The following ATP6V0A1 variants were observed in gnomAD, a reference collection of about 807,000 sequenced individuals.
The protein encoded by ATP6V0A1 is ATPase H+ transporting V0 subunit a1.
A neutral mutation model predicts 105.4 loss-of-function variants in ATP6V0A1; 43 were observed. The ratio of observed to expected loss-of-function variants is 0.41; its 90% CI spans 0.32 to 0.53. The LOEUF (loss-of-function observed/expected upper bound fraction) is 0.53, where lower values mean the gene tolerates loss of function less well. ATP6V0A1 is among the 20% of genes least tolerant of loss of function. The pLI, the probability that ATP6V0A1 is intolerant of heterozygous loss-of-function variation, is 0.30. For synonymous variants in ATP6V0A1, 362 were observed against 372.8 expected, an observed-to-expected ratio of 0.97 and a Z score of 0.33; for missense variants, 676 against 1,051.1, an observed-to-expected ratio of 0.64 and a Z score of 4.93.
chr17:42,518,165 T>A (rs1238630434), intron 21 of ATP6V0A1: 1 of 152,270 alleles, frequency 6.6e-6, no homozygotes, highest in African/African-American at 2.4e-5. Flanking sequence ...AACTGATTTT[T>A]ATGCAGAACT....
chr17:42,482,517 T>G (rs1210666763), intron 8 of ATP6V0A1, among the ~76,000 whole-genome samples: 2 of 152,130 alleles, frequency 1.3e-5, no homozygotes, highest in Non-Finnish European at 2.9e-5. Flanking sequence ...CTTTTTTTTT[T>G]TAATCACAAA....
intron 19 of ATP6V0A1, among the ~76,000 whole-genome samples, chr17:42,511,887 C>T (rs949972458): frequency 1.1e-4 from 16 of 151,748 alleles, no homozygotes; most frequent in Non-Finnish European, 1.5e-4. Context: ...TGCTTGAACC[C>T]GGGAGGCAGA....
At chr17:42,503,004 G>T (rs1376104457) in intron 17 of ATP6V0A1, 4 of 152,314 alleles carry the variant, frequency 2.6e-5, no homozygotes, top group Non-Finnish European at 5.9e-5. Context: ...TACTCACTGA[G>T]ATGATGACAG....
rs962727208 is a variant in ATP6V0A1, at chr17:42,467,286, G to T, written c.197-724G>T. On this transcript the variant is annotated intron_variant, in intron 3 of 21. Coordinates refer to ENST00000343619, the MANE Select transcript of ATP6V0A1 (RefSeq NM_001130021.3). ...TTATTTAATAATTGAGGAAACTAAA[G>T]ATTAGAGAGGCTTAATGACTTGCCC... 2.0e-5 allele frequency among the ~76,000 whole-genome samples: 3 copies of T among 152,144 alleles called. No homozygotes were observed. In the East Asian group the frequency reaches 5.8e-4, roughly 29 times the overall value.
intron 3 of ATP6V0A1, among the ~76,000 whole-genome samples, chr17:42,467,521 A>G (rs1220996823): frequency 6.6e-6 from 1 of 152,074 alleles, no homozygotes; most frequent in African/African-American, 2.4e-5. Context: ...CTGCTTTTTC[A>G]TTTTTGTTTT....
chr17:42,490,479 T>C lies in ATP6V0A1; in HGVS notation c.1024-8T>C, dbSNP rs1464049389. On this transcript the variant is annotated splice_region_variant and splice_polypyrimidine_tract_variant and intron_variant, in intron 10 of 21. Coordinates refer to ENST00000343619, the MANE Select transcript of ATP6V0A1 (RefSeq NM_001130021.3). ...CCTAAGTTTGATAAATGTGCTAATGTTTTTCAGGAACACAGTGGTTCCACT... is the reference window on the plus strand; with the variant it reads ...CCTAAGTTTGATAAATGTGCTAATGCTTTTCAGGAACACAGTGGTTCCACT... 1 of 1,595,022 alleles carries C rather than the reference T, an allele frequency of 6.3e-7. No homozygotes were observed. Among genetic ancestry groups the C allele is most frequent in the Non-Finnish European group, 8.5e-7 (1 of 1,173,682 alleles).
intron 11 of ATP6V0A1, among the ~76,000 whole-genome samples, chr17:42,493,507 T>C (rs565069410): frequency 4.0e-4 from 61 of 152,282 alleles, no homozygotes; most frequent in Admixed American, 7.8e-4. Flanking sequence ...TGAAATGTTA[T>C]CAGAGCTGCC....
chr17:42,516,161 T>C (rs923483826), intron 21 of ATP6V0A1, among the ~76,000 whole-genome samples: 21 of 152,238 alleles, frequency 1.4e-4, no homozygotes, highest in Non-Finnish European at 3.1e-4. Context: ...AATGTCTCTC[T>C]TCGTTCTCAA....
chr17:42,480,521 G>T, intron 7 of ATP6V0A1, 146 bp from the exon 8 acceptor site: 1 of 609,524 alleles, frequency 1.6e-6, no homozygotes, highest in African/African-American at 1.9e-5. Flanking sequence ...CTTAGGAAAT[G>T]GAGTGAGGGC....
Position 42,507,592 on chromosome 17 carries a change from G to T in ATP6V0A1, c.2077G>T (p.Asp693Tyr). Residue 693 changes from aspartate to tyrosine, a missense_variant, in exon 18 of 22, where the codon GAC (aspartate) becomes TAC (tyrosine). Physicochemically the swap from Asp to Tyr is radical, Grantham distance 160. Coordinates refer to ENST00000343619, the MANE Select transcript of ATP6V0A1 (RefSeq NM_001130021.3). Reference sequence around the variant, plus strand: ...GGAGGATGCTGAGATTATTCAGCATGACCAGCTCTCCACCCACTCAGAGGA... The same window carrying T: ...GGAGGATGCTGAGATTATTCAGCATTACCAGCTCTCCACCCACTCAGAGGA... ...TEEDAEIIQH[D>Y]QLSTHSEDAD... is the part of the protein sequence containing the mutation. 1 of 1,614,010 alleles carries T rather than the reference G, an allele frequency of 6.2e-7. No individual in the cohort carries two copies. The highest frequency in any genetic ancestry group is 1.1e-5 in the South Asian group (1 of 91,042).
rs549125885 is a variant in ATP6V0A1, at chr17:42,484,028, T to A, written c.810+897T>A. ...CCACTGCGCCCAGCCAAGTCTGAGA[T>A]AGTTTTTTTTGTTTTTTGTTTTTTG... On this transcript the variant is annotated intron_variant, in intron 9 of 21. Transcript: ENST00000343619. 4.0e-5 allele frequency among the ~76,000 whole-genome samples: 6 copies of A among 151,392 alleles called. No homozygotes were observed. The East Asian group carries it at 1.2e-3, about 30-fold the overall frequency.
intron 9 of ATP6V0A1, 84 bp downstream of exon 9, chr17:42,483,215 A>G (rs878912897): frequency 2.0e-5 from 22 of 1,080,364 alleles, no homozygotes; most frequent in African/African-American, 3.2e-5. Flanking sequence ...CTGATATTCT[A>G]TAAGGTACCT....
In ATP6V0A1 at chr17:42,522,419, G is replaced by T; in HGVS notation, c.*1299G>T. On this transcript the variant is annotated 3_prime_UTR_variant, in exon 22 of 22. Coordinates refer to ENST00000343619, the MANE Select transcript of ATP6V0A1 (RefSeq NM_001130021.3). ...ACTGTGTGCTGGCCCACTGTGACCT[G>T]ACCCGACCTTGTGCAGCCCCCCTGC... 1 of 152,834 alleles carries T rather than the reference G, an allele frequency of 6.5e-6. No homozygotes were observed. The highest frequency in any genetic ancestry group is 1.5e-5 in the Non-Finnish European group (1 of 68,358). The allele number at this position is 152,834 out of a possible 1,614,324, so 9.5% of individuals were successfully genotyped here. A position where few individuals can be genotyped will look rare whatever the true frequency, so the allele number is the denominator to read the frequency against.
intron 2 of ATP6V0A1, 127 bp from the exon 3 acceptor site, chr17:42,466,302 G>A (rs2087051857): frequency 1.4e-6 from 1 of 703,668 alleles, no homozygotes; most frequent in East Asian, 2.8e-5. Context: ...TCAGTAGACA[G>A]TTTTGATTAG....
chr17:42,519,924 C>T (rs908556031), intron 21 of ATP6V0A1: 1 of 155,804 alleles, frequency 6.4e-6, no homozygotes. Flanking sequence ...CCCAGTGCCA[C>T]TGGCAAACAG....
intron 5 of ATP6V0A1, among the ~76,000 whole-genome samples, chr17:42,472,923 G>A (rs2088185430): frequency 6.6e-6 from 1 of 152,164 alleles, no homozygotes. Context: ...GTTAGGCCTA[G>A]CAGTCTGTAT....
chr17:42,477,213 A>G (rs902549221), intron 5 of ATP6V0A1, among the ~76,000 whole-genome samples: 9 of 152,214 alleles, frequency 5.9e-5, no homozygotes, highest in African/African-American at 1.9e-4. Context: ...TAGAAATTAA[A>G]TGTTCAGAGT....
At chr17:42,487,460 G>A (rs181838844) in intron 10 of ATP6V0A1, 93 bp downstream of exon 10, 72 of 1,277,940 alleles carry the variant, frequency 5.6e-5, no homozygotes, top group Admixed American at 4.6e-4. Flanking sequence ...GGGCGCGGTG[G>A]CTCATGCCTG....
intron 10 of ATP6V0A1, among the ~76,000 whole-genome samples, chr17:42,488,841 C>T (rs55974429): frequency 1.3e-5 from 2 of 151,598 alleles, no homozygotes; most frequent in African/African-American, 4.8e-5. Flanking sequence ...GACAAAACCC[C>T]GTCTCTACTA....
Sources: allele counts gnomAD v4.1 joint callset (sites outside exome capture counted in the v4.1 genomes callset), GRCh38; gene constraint gnomAD v4.1.1; transcripts MANE v1.5; gene names NCBI Gene and HGNC (gene_info 2026-07-23, HGNC 2026-07-21).